NTM: variants seen among roughly 807,000 people sequenced by gnomAD.
NTM encodes the protein neurotrimin.
In NTM, 13 loss-of-function variants were observed where a neutral mutation model predicts 42.1. That is an observed-to-expected ratio of 0.31 (90% confidence interval 0.20 to 0.49). The LOEUF is 0.49. Among genes scored for constraint, NTM ranks in the 20% least tolerant of loss-of-function variants. The probability of loss-of-function intolerance (pLI) is 0.99; values close to 1 mark genes in which losing one functional copy is unlikely to be tolerated. For missense variants in NTM, 373 were observed against 452.8 expected, an observed-to-expected ratio of 0.82 and a Z score of 1.60; for synonymous variants, 187 against 179.2, an observed-to-expected ratio of 1.04 and a Z score of -0.35.
chr11:131,426,063 C>T (rs1948107338), intron 1 of NTM, among the ~76,000 whole-genome samples: 1 of 152,218 alleles, frequency 6.6e-6, no homozygotes, highest in East Asian at 1.9e-4. Context: ...TGGGAGGTTG[C>T]CAGTGTCCCA....
chr11:131,873,521 A>AGTGT (rs71067341), intron 1 of NTM, among the ~76,000 whole-genome samples: 1,169 of 52,252 alleles, frequency 0.022, 17 homozygotes, highest in East Asian at 0.12. Flanking sequence ...CAGAACTTAA[A>AGTGT]GTGTGTGTGT....
chr11:132,158,932 A>T (rs529119353), intron 3 of NTM, among the ~76,000 whole-genome samples: 2 of 152,318 alleles, frequency 1.3e-5, no homozygotes, highest in South Asian at 4.1e-4. Context: ...GGAATGATAG[A>T]GGCGCACCAC....
intron 1 of NTM, among the ~76,000 whole-genome samples, chr11:131,747,029 A>AT (rs1291274181): frequency 6.6e-6 from 1 of 152,326 alleles, no homozygotes; most frequent in Non-Finnish European, 1.5e-5. Flanking sequence ...TGACATACAT[A>AT]TTTTTTAATA....
At chr11:131,429,647 G>GT (rs2135900124) in intron 1 of NTM, among the ~76,000 whole-genome samples, 1 of 152,302 alleles carries the variant, frequency 6.6e-6, no homozygotes, top group South Asian at 2.1e-4. Flanking sequence ...CAACTCTGGT[G>GT]TTTCCATATA....
chr11:131,434,305 T>A (rs1445874368), intron 1 of NTM, among the ~76,000 whole-genome samples: 1 of 152,232 alleles, frequency 6.6e-6, no homozygotes, highest in Non-Finnish European at 1.5e-5. Context: ...ATATACCCAG[T>A]AATGGGATTG....
At chr11:132,324,556 G>A (rs1430083100) in intron 7 of NTM, among the ~76,000 whole-genome samples, 3,540 of 149,794 alleles carry the variant, frequency 0.024, 136 homozygotes, top group African/African-American at 0.084. Context: ...TTCCATGCTC[G>A]TGGGTAGGAA....
At chr11:132,297,676 T>C (rs1048187969) in intron 4 of NTM, among the ~76,000 whole-genome samples, 2 of 152,218 alleles carry the variant, frequency 1.3e-5, no homozygotes, top group Non-Finnish European at 2.9e-5. Context: ...GTGATGTTCT[T>C]TTGCCTATCA....
chr11:131,757,865 T>G (rs1228712330), intron 1 of NTM, among the ~76,000 whole-genome samples: 1 of 152,100 alleles, frequency 6.6e-6, no homozygotes, highest in Non-Finnish European at 1.5e-5. Context: ...ACCCCAACAT[T>G]AGAATGCAAA....
chr11:131,699,074 A>C (rs904722473), intron 1 of NTM, among the ~76,000 whole-genome samples: 2 of 152,178 alleles, frequency 1.3e-5, no homozygotes, highest in African/African-American at 4.8e-5. Flanking sequence ...TTGTTCACCT[A>C]ATGTGTGTTC....
intron 2 of NTM, among the ~76,000 whole-genome samples, chr11:132,055,656 A>G (rs2079529027): frequency 7.9e-6 from 1 of 126,646 alleles, no homozygotes; most frequent in Admixed American, 8.1e-5. Flanking sequence ...TGTGAGAGAG[A>G]GAGAGAGCGA....
chr11:132,208,083 C>T (rs2082259519), intron 3 of NTM, among the ~76,000 whole-genome samples: 1 of 152,106 alleles, frequency 6.6e-6, no homozygotes, highest in African/African-American at 2.4e-5. Flanking sequence ...CAAAACAATC[C>T]TAGTATGTTT....
At chr11:132,232,521 G>A (rs1489144942) in intron 4 of NTM, among the ~76,000 whole-genome samples, 1 of 152,156 alleles carries the variant, frequency 6.6e-6, no homozygotes, top group Non-Finnish European at 1.5e-5. Flanking sequence ...AGGGAATACG[G>A]GGAAGTGAAG....
intron 4 of NTM, among the ~76,000 whole-genome samples, chr11:132,275,986 C>T (rs1374027047): frequency 4.6e-5 from 7 of 151,878 alleles, no homozygotes; most frequent in Non-Finnish European, 7.4e-5. Context: ...TCCCCATCCT[C>T]GCCTCCTGCT....
intron 6 of NTM, among the ~76,000 whole-genome samples, chr11:132,312,178 G>A (rs2095300597): frequency 6.6e-6 from 1 of 152,150 alleles, no homozygotes; most frequent in Admixed American, 6.5e-5. Context: ...GGTCTGCCAG[G>A]TAGGTCTCCC....
chr11:131,899,305 C>A (rs2052765464), intron 1 of NTM, among the ~76,000 whole-genome samples: 1 of 152,122 alleles, frequency 6.6e-6, no homozygotes, highest in African/African-American at 2.4e-5. Context: ...ACTAACCCTG[C>A]CTAAAGGGAA....
At chr11:131,660,029 C>A (rs570995622) in intron 1 of NTM, among the ~76,000 whole-genome samples, 126 of 152,266 alleles carry the variant, frequency 8.3e-4, no homozygotes, top group Non-Finnish European at 1.6e-3. Context: ...GCTGTTCTTG[C>A]AAGTAGAATG....
At chr11:131,609,304 G>A (rs967308424) in intron 1 of NTM, among the ~76,000 whole-genome samples, 1 of 152,206 alleles carries the variant, frequency 6.6e-6, no homozygotes, top group African/African-American at 2.4e-5. Context: ...TGTGCTGTTT[G>A]CATTGTTACG....
chr11:132,131,041 A>G (rs767674149), intron 2 of NTM, among the ~76,000 whole-genome samples: 22 of 152,208 alleles, frequency 1.4e-4, no homozygotes, highest in Non-Finnish European at 2.4e-4. Flanking sequence ...TGTGCAAGGA[A>G]AGTTTGAGCT....
chr11:131,711,014 C>A (rs1250452824), intron 1 of NTM, among the ~76,000 whole-genome samples: 4 of 152,100 alleles, frequency 2.6e-5, no homozygotes, highest in Non-Finnish European at 1.5e-5. Context: ...TCTCCTTATT[C>A]TCTCAAAAAA....
Sources: allele counts gnomAD v4.1 joint callset (sites outside exome capture counted in the v4.1 genomes callset), GRCh38; gene constraint gnomAD v4.1.1; transcripts MANE v1.5; gene names NCBI Gene and HGNC (gene_info 2026-07-23, HGNC 2026-07-21).